The following KDM7A variants were observed in gnomAD, a reference collection of about 807,000 sequenced individuals.
KDM7A encodes lysine demethylase 7A.
KDM7A carries 28 observed loss-of-function variants against 114.8 expected under a neutral mutation model. The observed-to-expected ratio is 0.24, with a 90% confidence interval of 0.18 to 0.33. The LOEUF (loss-of-function observed/expected upper bound fraction) is 0.33. Among genes scored for constraint, KDM7A ranks in the 10% least tolerant of loss-of-function variants. KDM7A has a pLI of 1.00. For missense variants in KDM7A, 942 were observed against 1,142.5 expected (o/e 0.82, Z 2.53); for synonymous variants, 423 against 397.8 (o/e 1.06, Z -0.75).
At chr7:140,115,422 T>C (rs1037853043) in intron 9 of KDM7A, among the ~76,000 whole-genome samples, 7 of 152,174 alleles carry the variant, frequency 4.6e-5, no homozygotes, top group Non-Finnish European at 8.8e-5. Flanking sequence ...GAAGTAGACA[T>C]GGGAGACTCC....
rs1352534990 is a variant in KDM7A at position 140,096,958 on chromosome 7, C to T, written c.2106G>A (p.Val702=). 1.2e-6 allele frequency: 2 copies of T among 1,613,492 alleles called. No individual in the cohort carries two copies. The highest frequency in any genetic ancestry group is 2.7e-5 in the African/African-American group (2 of 74,920). ...GGCTCTTTTGAAGGAAGTTCCTCAT[C>T]ACATTAGATTCCTCCTTAAAGTTGG... The part of the protein sequence containing the change: ...ITSNFKEESN[V]MRNFLQKSQK... The change falls in exon 16 of 20, where the codon GTG becomes GTA. Residue 702 remains valine (V), a synonymous_variant. Transcript: ENST00000397560.
chr7:140,172,439 G>C (rs578079629), intron 1 of KDM7A, among the ~76,000 whole-genome samples: 11 of 152,020 alleles, frequency 7.2e-5, no homozygotes, highest in Middle Eastern at 6.8e-3. Flanking sequence ...GGATCACGAG[G>C]TCAGGAGATC....
chr7:140,143,474 A>G (rs1228463801), intron 1 of KDM7A, among the ~76,000 whole-genome samples: 1 of 152,196 alleles, frequency 6.6e-6, no homozygotes, highest in African/African-American at 2.4e-5. Flanking sequence ...TTATTCCACA[A>G]TTAAAATACT....
At chr7:140,119,494 A>AT (rs1818584621) in intron 8 of KDM7A, among the ~76,000 whole-genome samples, 1 of 152,202 alleles carries the variant, frequency 6.6e-6, no homozygotes, top group African/African-American at 2.4e-5. Flanking sequence ...AACAAAAGAC[A>AT]TTTTTACGAG....
intron 11 of KDM7A, among the ~76,000 whole-genome samples, chr7:140,103,411 CCATTAACTTGTCATTTA>C (rs1190718946): frequency 2.0e-5 from 3 of 151,806 alleles, no homozygotes; most frequent in Non-Finnish European, 4.4e-5. Context: ...TGTGCTGCAC[CCATTAACTTGTCATTTA>C]CATTAGGATT....
intron 12 of KDM7A, among the ~76,000 whole-genome samples, chr7:140,100,689 CATATATATATATATATATACACAT>C (rs1818194401): frequency 1.5e-4 from 8 of 54,008 alleles, no homozygotes; most frequent in East Asian, 1.1e-3. Flanking sequence ...TACATATATA[CATATATATATATATATATACACAT>C]ATATATATAT....
chr7:140,152,400 G>A (rs954146190), intron 1 of KDM7A, among the ~76,000 whole-genome samples: 9 of 152,130 alleles, frequency 5.9e-5, no homozygotes, highest in African/African-American at 2.2e-4. Context: ...CAAGGAGGAT[G>A]GATTGCTTGA....
In KDM7A at chr7:140,096,667, T is replaced by C. The variant is rs1475612191; in HGVS notation, c.2262A>G (p.Ile754Met). 1 of 1,614,184 alleles carries C rather than the reference T, an allele frequency of 6.2e-7. No homozygotes were observed. The highest frequency in any genetic ancestry group is 1.7e-5 in the Admixed American group (1 of 60,030). The stretch of plus-strand genomic sequence containing the variant: ...TTTCACCACTGCAGTCTGTGCTTTG[T>C]ATTTGCCTTTGTAAACACGTGGAAT... Reference protein sequence around the residue: ...LHYSTCLQRQIQSTDCSGERN... With the variant: ...LHYSTCLQRQMQSTDCSGERN... Residue 754 changes from isoleucine to methionine, a missense_variant, in exon 17 of 20, where the codon ATA becomes ATG. By Grantham distance (10) the Ile-to-Met change is conservative. Coordinates refer to ENST00000397560, the MANE Select transcript of KDM7A (RefSeq NM_030647.2).
At chr7:140,104,599 T>A (rs976834107) in intron 11 of KDM7A, among the ~76,000 whole-genome samples, 41 of 152,112 alleles carry the variant, frequency 2.7e-4, no homozygotes, top group African/African-American at 9.7e-4. Flanking sequence ...GATCAGATGG[T>A]TGTAGATGTG....
At chr7:140,100,669 T>TATATATATAC (rs1818188154) in intron 12 of KDM7A, among the ~76,000 whole-genome samples, 1 of 44,436 alleles carries the variant, frequency 2.3e-5, no homozygotes. Flanking sequence ...GTTATATATA[T>TATATATATAC]ATATATATAT....
At chr7:140,126,405 G>T (rs1018477160) in intron 6 of KDM7A, among the ~76,000 whole-genome samples, 5 of 151,506 alleles carry the variant, frequency 3.3e-5, no homozygotes, top group African/African-American at 1.2e-4. Context: ...AAAAGATGAG[G>T]GCAGAAAGTA....
rs758988530 is a variant in KDM7A at position 140,127,611 on chromosome 7, T to C, written c.560-28A>G. 40 of 1,603,480 alleles carry C rather than the reference T, an allele frequency of 2.5e-5. No homozygotes were observed. The South Asian group carries it at 3.9e-4, about 16-fold the overall frequency. The stretch of plus-strand genomic sequence containing the variant: ...GCAGAGAAAAATTACAGTCTTATTA[T>C]TGGACTTAAGAGTTACATCAGCAGA... On this transcript the variant is annotated intron_variant, in intron 4 of 19. Transcript: ENST00000397560.
At chr7:140,154,307 AC>A (rs755364428) in intron 1 of KDM7A, among the ~76,000 whole-genome samples, 9 of 148,566 alleles carry the variant, frequency 6.1e-5, no homozygotes, top group Non-Finnish European at 1.3e-4. Context: ...GCATAATGAG[AC>A]CCCCGTCACT....
rs1282499792 is a variant in KDM7A, at chr7:140,176,453, C to T, written c.194+291G>A. 6.8e-6 allele frequency among the ~76,000 whole-genome samples: 1 copy of T among 146,080 alleles called. No homozygotes were observed. The highest frequency in any genetic ancestry group is 1.5e-5 in the Non-Finnish European group (1 of 65,766). ...CGCCGCGCCCGCCCGGCCGCGTCCC[C>T]TCGCCCCAGGCTCCCCCTGCCAACT... On this transcript the variant is annotated intron_variant, in intron 1 of 19. Coordinates refer to ENST00000397560, the MANE Select transcript of KDM7A (RefSeq NM_030647.2). The surrounding 1 kb of genome is among the most constrained non-coding windows in gnomAD (Gnocchi z 4.4).
chr7:140,118,898 A>C (rs1310004200), intron 9 of KDM7A, among the ~76,000 whole-genome samples: 1 of 152,182 alleles, frequency 6.6e-6, no homozygotes, highest in Non-Finnish European at 1.5e-5. Context: ...GTCTTTCATA[A>C]CAAATTTTTA....
intron 1 of KDM7A, among the ~76,000 whole-genome samples, chr7:140,146,220 A>G (rs1483967479): frequency 6.6e-6 from 1 of 152,212 alleles, no homozygotes; most frequent in Non-Finnish European, 1.5e-5. Context: ...AATTAACCAT[A>G]CAAAATACAA....
At chr7:140,139,031 T>C (rs113155068) in intron 2 of KDM7A, 74 bp downstream of exon 2, 16 of 912,672 alleles carry the variant, frequency 1.8e-5, no homozygotes, top group East Asian at 7.3e-5. Flanking sequence ...CATTAAAGTA[T>C]TACCATGTAC....
At chr7:140,167,613 A>G (rs1279914647) in intron 1 of KDM7A, among the ~76,000 whole-genome samples, 2 of 152,118 alleles carry the variant, frequency 1.3e-5, no homozygotes, top group Non-Finnish European at 2.9e-5. Flanking sequence ...TACAAAAATA[A>G]AATCCAAATG....
chr7:140,085,177 T>C lies in KDM7A; in HGVS notation c.*5917A>G, dbSNP rs965584880. ...TGAAAGGACACACATGTCACACACA[T>C]TGACTGCCTATACAAACAAGACGAG... On this transcript the variant is annotated 3_prime_UTR_variant, in exon 20 of 20. Coordinates refer to ENST00000397560, the MANE Select transcript of KDM7A (RefSeq NM_030647.2). 2.0e-5 allele frequency: 3 copies of C among 152,248 alleles called. No homozygotes were observed. Among genetic ancestry groups the C allele is most frequent in the African/African-American group, 7.2e-5 (3 of 41,426 alleles). 9.4% of individuals were successfully genotyped at this position (152,248 alleles called of 1,614,324 possible).
Sources: gnomAD v4.1 joint callset for allele counts (sites outside exome capture counted in the v4.1 genomes callset) on GRCh38, gnomAD v4.1.1 for gene constraint, Gnocchi (gnomAD v3.1) non-coding constraint, MANE v1.5 for transcripts, NCBI Gene and HGNC (gene_info 2026-07-23, HGNC 2026-07-21) for gene names.